Variants in HAGH observed in about 807,000 individuals in gnomAD.
The protein encoded by HAGH is hydroxyacylglutathione hydrolase, mitochondrial.
In HAGH, 29 loss-of-function variants were observed where a neutral mutation model predicts 35.1. That is an observed-to-expected ratio of 0.83 (90% CI 0.62 to 1.13). The LOEUF is 1.13. Among genes scored for constraint, HAGH ranks in the 50% most tolerant of loss-of-function variants. The pLI, the probability that HAGH is intolerant of heterozygous loss-of-function variation, is 0.00. For synonymous variants in HAGH, 225 were observed against 176.1 expected, an observed-to-expected ratio of 1.28 and a Z score of -2.20; for missense variants, 478 against 419.6, an observed-to-expected ratio of 1.14 and a Z score of -1.22.
At chr16:1,814,348 C>G (rs1457617657) in intron 7 of HAGH, among the ~76,000 whole-genome samples, 1 of 151,952 alleles carries the variant, frequency 6.6e-6, no homozygotes, top group East Asian at 1.9e-4. Flanking sequence ...GTGGTGCATG[C>G]CTGTAATCCC....
chr16:1,811,167 A>G (rs1487718019), intron 7 of HAGH, among the ~76,000 whole-genome samples: 1 of 152,216 alleles, frequency 6.6e-6, no homozygotes, highest in Non-Finnish European at 1.5e-5. Context: ...TAATCCTAAC[A>G]CTTTGGGAGG....
intron 7 of HAGH, among the ~76,000 whole-genome samples, chr16:1,815,615 G>A (rs1897854020): frequency 6.6e-6 from 1 of 152,224 alleles, no homozygotes; most frequent in African/African-American, 2.4e-5. Flanking sequence ...CCACATGGGA[G>A]GGACACAGGA....
chr16:1,814,282 C>T (rs1281452814), intron 7 of HAGH, among the ~76,000 whole-genome samples: 1 of 152,042 alleles, frequency 6.6e-6, no homozygotes, highest in African/African-American at 2.4e-5. Flanking sequence ...CGAGTCCAGC[C>T]TGATCAACAT....
At chr16:1,813,766 A>C (rs1897766970) in intron 7 of HAGH, among the ~76,000 whole-genome samples, 1 of 152,222 alleles carries the variant, frequency 6.6e-6, no homozygotes, top group African/African-American at 2.4e-5. Context: ...TTGAAAAAGA[A>C]CACTGGAGGA....
intron 3 of HAGH, among the ~76,000 whole-genome samples, chr16:1,820,216 T>C (rs1453670447): frequency 6.6e-6 from 1 of 151,590 alleles, no homozygotes; most frequent in African/African-American, 2.4e-5. Context: ...GTTCCGAGCG[T>C]GGGGGCCTGG....
intron 4 of HAGH, 27 bp from the exon 5 acceptor site, chr16:1,819,250 G>A (rs748560489): frequency 1.5e-5 from 22 of 1,440,446 alleles, no homozygotes; most frequent in Non-Finnish European, 1.8e-5. Flanking sequence ...GACCGCGTGT[G>A]CTCCCAGACA....
chr16:1,812,938 C>T (rs142095351), intron 7 of HAGH, among the ~76,000 whole-genome samples: 94 of 152,294 alleles, frequency 6.2e-4, no homozygotes, highest in African/African-American at 2.1e-3. Context: ...CCCACGCCTT[C>T]CCAGCAGGAA....
chr16:1,819,509 G>A (rs913614811), intron 4 of HAGH, among the ~76,000 whole-genome samples: 4 of 152,212 alleles, frequency 2.6e-5, no homozygotes, highest in Non-Finnish European at 5.9e-5. Flanking sequence ...TAGGAAAGAC[G>A]GCTTTCCTTC....
chr16:1,820,824 G>C (rs1222504540), intron 3 of HAGH, among the ~76,000 whole-genome samples: 1 of 152,176 alleles, frequency 6.6e-6, no homozygotes, highest in East Asian at 1.9e-4. Context: ...CCTTCAGGAG[G>C]GCGCGGCACC....
intron 7 of HAGH, among the ~76,000 whole-genome samples, chr16:1,814,474 C>CA (rs57787455): frequency 0.15 from 13,799 of 94,904 alleles, 829 homozygotes; most frequent in African/African-American, 0.23. Context: ...AACTCCGTCT[C>CA]AAAAAAAAAA....
At chr16:1,825,604 C>G (rs183607348) in intron 1 of HAGH, among the ~76,000 whole-genome samples, 1 of 152,300 alleles carries the variant, frequency 6.6e-6, no homozygotes, top group Non-Finnish European at 1.5e-5. Flanking sequence ...GATATGGTCT[C>G]ACTCTGTCCC....
At position 1,807,849 on chromosome 16, in the gene HAGH, T is replaced by TA. The variant is rs11390826; in HGVS notation, c.*1433_*1434insT. 0.77 allele frequency: 117,563 copies of TA among 151,996 alleles called. 45,585 individuals are homozygous for TA. Among genetic ancestry groups the TA allele is most frequent in the Middle Eastern group, 0.85 (253 of 296 alleles). 9.4% of individuals were successfully genotyped at this position (151,996 alleles called of 1,614,324 possible). A position where few individuals can be genotyped will look rare whatever the true frequency, so the allele number is the denominator to read the frequency against. On this transcript the variant is annotated 3_prime_UTR_variant, in exon 9 of 9. Transcript: ENST00000397356. ...CCGGGGGGAGGGCATGCATGTGGTC[T>TA]GAAGTGCAGTGCCAGCCTTCCTCTT...
At chr16:1,821,212 G>A (rs936236135) in intron 3 of HAGH, among the ~76,000 whole-genome samples, 1 of 152,182 alleles carries the variant, frequency 6.6e-6, no homozygotes, top group Non-Finnish European at 1.5e-5. Context: ...CACCTCTGAT[G>A]ACCCCGAAGA....
intron 7 of HAGH, among the ~76,000 whole-genome samples, chr16:1,816,406 G>T (rs897424393): frequency 6.6e-6 from 1 of 152,024 alleles, no homozygotes; most frequent in African/African-American, 2.4e-5. Flanking sequence ...GGGAGCCCAC[G>T]CCTGAGACCA....
rs1897934049 is a variant in HAGH, at chr16:1,817,097, G to A, written c.645+71C>T. 4 of 1,325,604 alleles carry A rather than the reference G, an allele frequency of 3.0e-6. No homozygotes were observed. In the East Asian group the frequency reaches 6.9e-5, roughly 23 times the overall value. The allele number at this position is 1,325,604 out of a possible 1,614,324, so 82.1% of individuals were successfully genotyped here. A position where few individuals can be genotyped will look rare whatever the true frequency, so the allele number is the denominator to read the frequency against. On this transcript the variant is annotated intron_variant, in intron 6 of 8. Coordinates refer to ENST00000397356, the MANE Select transcript of HAGH (RefSeq NM_005326.6). Reference sequence around the variant, plus strand: ...CCCGGGGGGTGTCCGGTGAGAGGGTGCCAGGAGGGAGAGCAGCCCCGCCCT... The same window carrying A: ...CCCGGGGGGTGTCCGGTGAGAGGGTACCAGGAGGGAGAGCAGCCCCGCCCT...
At chr16:1,816,269 G>C (rs115157766) in intron 7 of HAGH, among the ~76,000 whole-genome samples, 1 of 150,828 alleles carries the variant, frequency 6.6e-6, no homozygotes, top group Non-Finnish European at 1.5e-5. Flanking sequence ...GTTGGAATTT[G>C]CATGAGTAAA....
intron 2 of HAGH, 82 bp from the exon 3 acceptor site, chr16:1,822,446 G>T: frequency 9.4e-7 from 1 of 1,066,882 alleles, no homozygotes; most frequent in Non-Finnish European, 1.4e-6. Flanking sequence ...GTGCCCAGCA[G>T]AACCCAGGAC....
intron 1 of HAGH, among the ~76,000 whole-genome samples, chr16:1,824,388 CAG>C (rs757093188): frequency 3.3e-5 from 5 of 152,212 alleles, no homozygotes; most frequent in Non-Finnish European, 7.3e-5. Context: ...GACTCTGCCA[CAG>C]GGGCCCAGAA....
intron 1 of HAGH, 162 bp downstream of exon 1, chr16:1,826,550 G>A: frequency 4.3e-6 from 3 of 704,576 alleles, no homozygotes; most frequent in Non-Finnish European, 3.4e-6. Flanking sequence ...CTCCGCGCCA[G>A]CCTCAGCGCC....
Sources: gnomAD v4.1 joint callset for allele counts (sites outside exome capture counted in the v4.1 genomes callset) on GRCh38, gnomAD v4.1.1 for gene constraint, MANE v1.5 for transcripts, NCBI Gene and HGNC (gene_info 2026-07-23, HGNC 2026-07-21) for gene names.